EPHA5: variants seen among roughly 807,000 people sequenced by gnomAD.
EPHA5 encodes the protein ephrin type-A receptor 5.
A neutral mutation model predicts 105.0 loss-of-function variants in EPHA5; 60 were observed. The ratio of observed to expected loss-of-function variants is 0.57; its 90% CI spans 0.46 to 0.71. The LOEUF (loss-of-function observed/expected upper bound fraction) is 0.71, where lower values mean the gene tolerates loss of function less well. EPHA5 is among the 30% of genes least tolerant of loss of function. EPHA5 has a pLI of 0.00. For missense variants in EPHA5, 1,218 were observed against 1,274.7 expected, an observed-to-expected ratio of 0.96 and a Z score of 0.68; for synonymous variants, 513 against 449.1, an observed-to-expected ratio of 1.14 and a Z score of -1.80.
At chr4:65,348,232 C>A (rs1162366059) in intron 13 of EPHA5, 29 bp from the exon 14 acceptor site, 1 of 1,596,722 alleles carries the variant, frequency 6.3e-7, no homozygotes. Flanking sequence ...TAAAAAACTT[C>A]CTACATACTT....
chr4:65,319,755 T>C lies in EPHA5; in HGVS notation c.*4359A>G, dbSNP rs1331730844. The C allele has an allele frequency of 8.8e-6, 2 of 227,672 alleles. No homozygotes were observed. The highest frequency in any genetic ancestry group is 4.4e-5 in the African/African-American group (2 of 45,030). The allele number at this position is 227,672 out of a possible 1,614,324, so 14.1% of individuals were successfully genotyped here. ...CTGATGTATATCATAGAATAAGATA[T>C]GCTATATAGCTGCTTCTGACATGTC... is the stretch of plus-strand genomic sequence containing the variant. On this transcript the variant is annotated 3_prime_UTR_variant, in exon 17 of 17. Transcript: ENST00000613740.
chr4:65,393,070 C>G (rs925778363), intron 8 of EPHA5, among the ~76,000 whole-genome samples: 1 of 152,016 alleles, frequency 6.6e-6, no homozygotes, highest in South Asian at 2.1e-4. Flanking sequence ...TTTCTTTTTC[C>G]TCTATTCATG....
intron 5 of EPHA5, among the ~76,000 whole-genome samples, chr4:65,451,276 A>C (rs1390879549): frequency 6.6e-6 from 1 of 152,188 alleles, no homozygotes; most frequent in African/African-American, 2.4e-5. Context: ...TTGTTCTTAC[A>C]ATATGTTTTC....
intron 4 of EPHA5, among the ~76,000 whole-genome samples, chr4:65,491,171 ATGT>A (rs1192201547): frequency 6.6e-6 from 1 of 151,210 alleles, no homozygotes. Context: ...CTGACTACAA[ATGT>A]TGTAAGTAAA....
At chr4:65,334,671 A>C (rs10033665) in intron 15 of EPHA5, among the ~76,000 whole-genome samples, 2,351 of 152,102 alleles carry the variant, frequency 0.015, 43 homozygotes, top group South Asian at 0.028. Context: ...TTAAAGCAAA[A>C]TTTGTTTAAA....
intron 5 of EPHA5, among the ~76,000 whole-genome samples, chr4:65,421,969 T>C (rs887327966): frequency 7.2e-5 from 11 of 152,110 alleles, no homozygotes; most frequent in Non-Finnish European, 1.5e-4. Flanking sequence ...AATCAGTTCT[T>C]CAATAAAATA....
chr4:65,609,654 C>A (rs1250535195), intron 2 of EPHA5, among the ~76,000 whole-genome samples: 1 of 125,972 alleles, frequency 7.9e-6, no homozygotes, highest in Admixed American at 8.3e-5. Flanking sequence ...TTTTTTTTTT[C>A]ATTCAATGTT....
chr4:65,546,746 A>G (rs1256563629), intron 3 of EPHA5, among the ~76,000 whole-genome samples: 1 of 152,074 alleles, frequency 6.6e-6, no homozygotes, highest in Non-Finnish European at 1.5e-5. Flanking sequence ...TGCGAACTTC[A>G]AGATCCCTAA....
intron 14 of EPHA5, among the ~76,000 whole-genome samples, chr4:65,344,743 T>G (rs922199196): frequency 6.6e-6 from 1 of 152,178 alleles, no homozygotes; most frequent in Non-Finnish European, 1.5e-5. Flanking sequence ...CCTGTTAACA[T>G]TTGGCATTTA....
intron 3 of EPHA5, among the ~76,000 whole-genome samples, chr4:65,584,116 C>T (rs1172928749): frequency 6.6e-6 from 1 of 151,622 alleles, no homozygotes; most frequent in African/African-American, 2.4e-5. Context: ...TTTTTCCATT[C>T]ATATACCTGA....
intron 3 of EPHA5, among the ~76,000 whole-genome samples, chr4:65,496,532 A>G (rs1204853015): frequency 2.6e-5 from 4 of 151,398 alleles, no homozygotes; most frequent in Admixed American, 6.6e-5. Flanking sequence ...TTCCAATTTC[A>G]TCCATGTCCC....
chr4:65,574,661 T>C (rs1740647205), intron 3 of EPHA5, among the ~76,000 whole-genome samples: 1 of 49,556 alleles, frequency 2.0e-5, no homozygotes. Flanking sequence ...TACACATATA[T>C]ATATACACAT....
chr4:65,640,079 G>C (rs1319122275), intron 2 of EPHA5, among the ~76,000 whole-genome samples: 1 of 151,836 alleles, frequency 6.6e-6, no homozygotes, highest in Non-Finnish European at 1.5e-5. Flanking sequence ...TGTTCTTTTT[G>C]CCTTTGCATT....
chr4:65,647,885 A>G (rs1364946363), intron 1 of EPHA5, among the ~76,000 whole-genome samples: 2 of 152,184 alleles, frequency 1.3e-5, no homozygotes, highest in South Asian at 2.1e-4. Context: ...GCAAATTCCT[A>G]AAGTTAACGT....
At chr4:65,649,322 A>G (rs975726679) in intron 1 of EPHA5, among the ~76,000 whole-genome samples, 2 of 152,074 alleles carry the variant, frequency 1.3e-5, no homozygotes, top group African/African-American at 4.8e-5. Context: ...ACAACCACCT[A>G]TTTCCCTGGA....
Position 65,326,001 on chromosome 4 carries a change from GATATATATATCTCATAT to G in EPHA5, c.2946-1799_2946-1783del, listed in dbSNP as rs202022624. Among the ~76,000 whole-genome samples, 813 of 146,490 alleles carry G rather than the reference GATATATATATCTCATAT, an allele frequency of 5.5e-3. 9 individuals carry two copies. Among genetic ancestry groups the G allele is most frequent in the African/African-American group, 0.019 (751 of 40,164 alleles). On this transcript the variant is annotated intron_variant, in intron 16 of 16. Transcript: ENST00000613740. Reference sequence around the variant, plus strand: ...ATCTCTCCTGGTTGAGAATCATTGAGATATATATATCTCATATATATATATATCTCATATATATATGT... The same window carrying G: ...ATCTCTCCTGGTTGAGAATCATTGAGATATATATATCTCATATATATATGT...
chr4:65,410,145 C>T (rs1454147522), intron 7 of EPHA5, among the ~76,000 whole-genome samples: 2 of 152,088 alleles, frequency 1.3e-5, no homozygotes, highest in African/African-American at 2.4e-5. Flanking sequence ...ATAGCAAAAA[C>T]TGTAATCAGC....
At chr4:65,502,784 T>C (rs937041049) in intron 3 of EPHA5, among the ~76,000 whole-genome samples, 2 of 151,636 alleles carry the variant, frequency 1.3e-5, no homozygotes, top group African/African-American at 4.8e-5. Flanking sequence ...GACAAAAAGA[T>C]ATATGTGTTC....
At chr4:65,496,502 A>G (rs1250111149) in intron 3 of EPHA5, among the ~76,000 whole-genome samples, 1 of 150,988 alleles carries the variant, frequency 6.6e-6, no homozygotes, top group African/African-American at 2.4e-5. Flanking sequence ...TTCTTGCGAT[A>G]GTTTACTGAG....
Sources: allele counts gnomAD v4.1 joint callset (sites outside exome capture counted in the v4.1 genomes callset), GRCh38; gene constraint gnomAD v4.1.1; transcripts MANE v1.5; gene names NCBI Gene and HGNC (gene_info 2026-07-23, HGNC 2026-07-21).